Variants in GPC5 observed in about 807,000 individuals in gnomAD.
The protein encoded by GPC5 is glypican 5.
GPC5 carries 47 observed loss-of-function variants against 53.9 expected under a neutral mutation model. The observed-to-expected ratio is 0.87, with a 90% CI of 0.69 to 1.11. GPC5 has a LOEUF of 1.11. Ranked by LOEUF, GPC5 falls within the 50% of genes most tolerant of loss-of-function variation. The pLI is 0.00. For synonymous variants in GPC5, 286 were observed against 263.3 expected (o/e 1.09, Z -0.84); for missense variants, 748 against 713.1 (o/e 1.05, Z -0.56).
intron 7 of GPC5, among the ~76,000 whole-genome samples, chr13:92,229,350 A>G (rs1305630801): frequency 2.0e-5 from 3 of 152,288 alleles, no homozygotes; most frequent in Non-Finnish European, 4.4e-5. Context: ...AATCTGTCAT[A>G]GAAAAGTATA....
At chr13:92,429,512 T>C (rs2139372257) in intron 7 of GPC5, among the ~76,000 whole-genome samples, 1 of 152,024 alleles carries the variant, frequency 6.6e-6, no homozygotes, top group Admixed American at 6.6e-5. Context: ...AATTTTATAA[T>C]CACAAAAGAT....
chr13:91,669,156 A>G (rs1198309264), intron 2 of GPC5, among the ~76,000 whole-genome samples: 5 of 152,154 alleles, frequency 3.3e-5, no homozygotes, highest in Non-Finnish European at 7.3e-5. Flanking sequence ...GAATGTGGTT[A>G]CATTGTATGA....
intron 2 of GPC5, among the ~76,000 whole-genome samples, chr13:91,679,715 A>G (rs1456312562): frequency 6.6e-6 from 1 of 152,222 alleles, no homozygotes; most frequent in Non-Finnish European, 1.5e-5. Flanking sequence ...CACATTTTTA[A>G]AAGCCATTGC....
chr13:91,859,814 C>A (rs953572561), intron 5 of GPC5, among the ~76,000 whole-genome samples: 3 of 151,518 alleles, frequency 2.0e-5, no homozygotes, highest in Admixed American at 2.0e-4. Flanking sequence ...TTTTCATTGA[C>A]TTTTAAACAT....
intron 3 of GPC5, among the ~76,000 whole-genome samples, chr13:91,706,551 A>AT (rs1212954282): frequency 7.2e-5 from 11 of 152,044 alleles, no homozygotes; most frequent in South Asian, 2.1e-4. Flanking sequence ...CATATTTTTA[A>AT]TTTTTTTTGG....
Position 92,363,586 on chromosome 13 carries a change from C to T in GPC5, c.1561+218597C>T, listed in dbSNP as rs968371141. Among the ~76,000 whole-genome samples the T allele has an allele frequency of 2.0e-5, 3 of 151,672 alleles. 1 individual carries two copies. The highest frequency in any genetic ancestry group is 7.3e-5 in the African/African-American group (3 of 40,984). On this transcript the variant is annotated intron_variant, in intron 7 of 7. Transcript: ENST00000377067. ...TGGAGAGCTCAGTGGATAATGCTTG[C>T]TTGTCTGCTGCTCACCTCCTGCTAT...
intron 7 of GPC5, among the ~76,000 whole-genome samples, chr13:92,770,953 T>C (rs1313643309): frequency 6.6e-6 from 1 of 152,058 alleles, no homozygotes; most frequent in African/African-American, 2.4e-5. Flanking sequence ...GTAGAAGTGG[T>C]AGTTCTATTT....
chr13:92,693,770 T>C (rs1887479874), intron 7 of GPC5, among the ~76,000 whole-genome samples: 2 of 152,176 alleles, frequency 1.3e-5, no homozygotes. Flanking sequence ...AAAACCCATT[T>C]TCTGGGGAGA....
chr13:91,748,984 G>A (rs763564647), intron 4 of GPC5, among the ~76,000 whole-genome samples: 8 of 151,998 alleles, frequency 5.3e-5, no homozygotes, highest in Admixed American at 1.3e-4. Context: ...GAGGTTTAGG[G>A]GAAAGAGTCG....
At chr13:92,437,725 G>C (rs748277503) in intron 7 of GPC5, among the ~76,000 whole-genome samples, 5 of 151,874 alleles carry the variant, frequency 3.3e-5, no homozygotes, top group Non-Finnish European at 7.4e-5. Flanking sequence ...GGACTCAATT[G>C]GGTCCTCTGT....
intron 4 of GPC5, among the ~76,000 whole-genome samples, chr13:91,748,718 G>T (rs1469757972): frequency 1.3e-5 from 2 of 152,192 alleles, no homozygotes; most frequent in African/African-American, 4.8e-5. Context: ...GATGAGAAAT[G>T]AGGATGAACC....
intron 5 of GPC5, among the ~76,000 whole-genome samples, chr13:91,803,156 A>G (rs1210400020): frequency 6.6e-6 from 1 of 152,158 alleles, no homozygotes; most frequent in East Asian, 1.9e-4. Flanking sequence ...AAATGATTAC[A>G]TCATTTTATA....
intron 6 of GPC5, among the ~76,000 whole-genome samples, chr13:92,123,524 T>G (rs1232367070): frequency 6.6e-6 from 1 of 152,212 alleles, no homozygotes; most frequent in Non-Finnish European, 1.5e-5. Flanking sequence ...TTAGATTATT[T>G]TACAAGTTTG....
intron 6 of GPC5, among the ~76,000 whole-genome samples, chr13:92,005,874 G>A (rs908540094): frequency 2.0e-5 from 3 of 152,082 alleles, no homozygotes; most frequent in African/African-American, 7.2e-5. Context: ...ATATTTATAT[G>A]CCACTAAATT....
intron 2 of GPC5, among the ~76,000 whole-genome samples, chr13:91,557,171 T>C (rs555546227): frequency 6.6e-6 from 1 of 152,222 alleles, no homozygotes; most frequent in Admixed American, 6.6e-5. Flanking sequence ...TCTTGCCAGC[T>C]ATGTATGAGC....
intron 7 of GPC5, among the ~76,000 whole-genome samples, chr13:92,742,925 T>C (rs1395771015): frequency 6.6e-6 from 1 of 152,144 alleles, no homozygotes; most frequent in Non-Finnish European, 1.5e-5. Flanking sequence ...GGCTCTGTTC[T>C]GTTCCATTGA....
intron 6 of GPC5, among the ~76,000 whole-genome samples, chr13:91,963,924 A>G (rs1489414362): frequency 6.6e-6 from 1 of 152,154 alleles, no homozygotes; most frequent in Non-Finnish European, 1.5e-5. Context: ...GTGGGACTGT[A>G]AACTAGTTCA....
chr13:91,430,701 A>G (rs1168908572), intron 1 of GPC5, among the ~76,000 whole-genome samples: 1 of 152,140 alleles, frequency 6.6e-6, no homozygotes, highest in Non-Finnish European at 1.5e-5. Context: ...TACTCACTCT[A>G]TACTTTTAGT....
At chr13:92,664,547 G>A (rs574645500) in intron 7 of GPC5, among the ~76,000 whole-genome samples, 4 of 151,970 alleles carry the variant, frequency 2.6e-5, no homozygotes, top group African/African-American at 7.2e-5. Flanking sequence ...AAAAATTATT[G>A]AGTTAATCAG....
Sources: gnomAD v4.1 joint callset for allele counts (sites outside exome capture counted in the v4.1 genomes callset) on GRCh38, gnomAD v4.1.1 for gene constraint, MANE v1.5 for transcripts, NCBI Gene and HGNC (gene_info 2026-07-23, HGNC 2026-07-21) for gene names.